ARHGEF28: variants seen among roughly 807,000 people sequenced by gnomAD.
The protein encoded by ARHGEF28 is 190 kDa guanine nucleotide exchange factor.
ARHGEF28 carries 152 observed loss-of-function variants against 206.6 expected under a neutral mutation model. The ratio of observed to expected loss-of-function variants is 0.74; its 90% CI spans 0.64 to 0.84. ARHGEF28 has a LOEUF of 0.84. Among genes scored for constraint, ARHGEF28 ranks in the 40% least tolerant of loss-of-function variants. ARHGEF28 has a pLI of 0.00. For synonymous variants in ARHGEF28, 763 were observed against 776.4 expected, an observed-to-expected ratio of 0.98 and a Z score of 0.29; for missense variants, 2,028 against 2,073.2, an observed-to-expected ratio of 0.98 and a Z score of 0.42.
intron 1 of ARHGEF28, among the ~76,000 whole-genome samples, chr5:73,647,596 A>G (rs1363160597): frequency 2.0e-5 from 3 of 152,268 alleles, no homozygotes; most frequent in East Asian, 1.9e-4. Flanking sequence ...TTAACCTACT[A>G]TATCTAAAAT....
rs1017863092 is a variant in ARHGEF28 at position 73,858,296 on chromosome 5, ATACATT to A, written c.2047+83_2047+88del. The A allele has an allele frequency of 2.0e-6, 3 of 1,483,968 alleles. No homozygotes were observed. In the African/African-American group the frequency reaches 4.2e-5, roughly 21 times the overall value. 91.9% of individuals were successfully genotyped at this position (1,483,968 alleles called of 1,614,324 possible). On this transcript the variant is annotated intron_variant, in intron 16 of 35. Transcript: ENST00000513042. Reference sequence around the variant, plus strand: ...ACCTTGGGAAGAGGCTCATTGCTCAATACATTTACATAAACCTTTTCAGTGCCACAC... The same window carrying A: ...ACCTTGGGAAGAGGCTCATTGCTCAATACATAAACCTTTTCAGTGCCACAC...
chr5:73,658,987 A>G (rs138151989), intron 1 of ARHGEF28, among the ~76,000 whole-genome samples: 24 of 150,118 alleles, frequency 1.6e-4, no homozygotes, highest in East Asian at 3.9e-4. Context: ...ACACACACAC[A>G]CACACACACA....
At chr5:73,857,984 A>G (rs1759155675) in intron 15 of ARHGEF28, 103 bp from the exon 16 acceptor site, 1 of 1,492,692 alleles carries the variant, frequency 6.7e-7, no homozygotes, top group Admixed American at 2.3e-5. Context: ...CTGATGGAAA[A>G]TGTAGAGACT....
chr5:73,797,644 A>G (rs1057072515), intron 9 of ARHGEF28, among the ~76,000 whole-genome samples: 1 of 152,126 alleles, frequency 6.6e-6, no homozygotes, highest in African/African-American at 2.4e-5. Context: ...TCGGCCTCCT[A>G]AAGTGCTGGG....
intron 1 of ARHGEF28, among the ~76,000 whole-genome samples, chr5:73,658,962 T>TATAC (rs1745405298): frequency 8.0e-6 from 1 of 124,848 alleles, no homozygotes; most frequent in East Asian, 2.3e-4. Flanking sequence ...TGCATGCAGG[T>TATAC]ACACACACAC....
At chr5:73,936,171 C>G (rs1256991975) in intron 35 of ARHGEF28, among the ~76,000 whole-genome samples, 2 of 152,208 alleles carry the variant, frequency 1.3e-5, no homozygotes, top group Non-Finnish European at 2.9e-5. Context: ...CAACGCTTTT[C>G]TACTTGTCAC....
chr5:73,627,772 A>T (rs577690848), intron 1 of ARHGEF28, among the ~76,000 whole-genome samples: 1 of 152,374 alleles, frequency 6.6e-6, no homozygotes, highest in South Asian at 2.1e-4. Flanking sequence ...CAGATCTTAT[A>T]GCTAATGGTT....
intron 1 of ARHGEF28, among the ~76,000 whole-genome samples, chr5:73,654,740 G>C (rs1745072569): frequency 6.6e-6 from 1 of 152,200 alleles, no homozygotes; most frequent in Non-Finnish European, 1.5e-5. Context: ...CTTTCATCCA[G>C]ATACAGATTC....
intron 6 of ARHGEF28, among the ~76,000 whole-genome samples, chr5:73,777,866 G>A (rs1753624238): frequency 6.6e-6 from 1 of 152,080 alleles, no homozygotes; most frequent in African/African-American, 2.4e-5. Flanking sequence ...GGATCATGAG[G>A]TCAGGAGATC....
At chr5:73,895,277 A>G (rs764893201) in intron 29 of ARHGEF28, among the ~76,000 whole-genome samples, 2 of 152,196 alleles carry the variant, frequency 1.3e-5, no homozygotes, top group African/African-American at 2.4e-5. Context: ...GGGCAAGGTC[A>G]TTGGAGATGA....
chr5:73,814,654 G>T (rs1218513299), intron 9 of ARHGEF28, among the ~76,000 whole-genome samples: 1 of 152,118 alleles, frequency 6.6e-6, no homozygotes, highest in Non-Finnish European at 1.5e-5. Context: ...GGTTGCCTCT[G>T]CAGTGCTGTC....
Position 73,935,056 on chromosome 5 carries a change from A to G in ARHGEF28, c.4949-5788A>G, listed in dbSNP as rs1379519214. ...AGAGAGGACTGATGTACTGTATCATATCTCCTGTTAATATAATCTCATCTT... is the reference window on the plus strand; with the variant it reads ...AGAGAGGACTGATGTACTGTATCATGTCTCCTGTTAATATAATCTCATCTT... On this transcript the variant is annotated intron_variant, in intron 35 of 35. Transcript: ENST00000513042. Among the ~76,000 whole-genome samples the G allele has an allele frequency of 2.0e-5, 3 of 152,174 alleles. No homozygotes were observed. In the East Asian group the frequency reaches 5.8e-4, roughly 29 times the overall value.
chr5:73,633,163 G>A (rs1743473368), intron 1 of ARHGEF28, among the ~76,000 whole-genome samples: 1 of 152,126 alleles, frequency 6.6e-6, no homozygotes, highest in Admixed American at 6.5e-5. Flanking sequence ...TGGAGCTCAG[G>A]CAGTAAAGTG....
chr5:73,648,720 T>A (rs1744600911), intron 1 of ARHGEF28, among the ~76,000 whole-genome samples: 1 of 152,128 alleles, frequency 6.6e-6, no homozygotes, highest in Non-Finnish European at 1.5e-5. Flanking sequence ...ACAGCCCTTC[T>A]CTCAAGAATG....
chr5:73,678,569 G>A (rs1387155367), intron 1 of ARHGEF28, among the ~76,000 whole-genome samples: 5 of 152,150 alleles, frequency 3.3e-5, no homozygotes, highest in Non-Finnish European at 5.9e-5. Flanking sequence ...TGGGTCCTTC[G>A]TGAAGCTGTG....
intron 2 of ARHGEF28, among the ~76,000 whole-genome samples, chr5:73,692,819 A>G (rs950144668): frequency 7.9e-5 from 12 of 152,164 alleles, no homozygotes; most frequent in Non-Finnish European, 1.5e-4. Flanking sequence ...GTCACCCAGC[A>G]GGGGCCTTCT....
intron 9 of ARHGEF28, among the ~76,000 whole-genome samples, chr5:73,817,280 C>T (rs954896342): frequency 2.6e-5 from 4 of 152,140 alleles, no homozygotes; most frequent in Admixed American, 6.5e-5. Flanking sequence ...CTACAATTGC[C>T]AAAGAAGGCA....
intron 1 of ARHGEF28, among the ~76,000 whole-genome samples, chr5:73,650,265 TTTTC>T (rs1426011006): frequency 1.4e-5 from 2 of 141,912 alleles, no homozygotes; most frequent in Non-Finnish European, 3.0e-5. Context: ...CTGAGAGATG[TTTTC>T]TTTCTTTCTT....
rs766618403 is a variant in ARHGEF28, at chr5:73,923,540, G to T, written c.4948+11965G>T. On this transcript the variant is annotated intron_variant, in intron 35 of 35. Coordinates refer to ENST00000513042, the MANE Select transcript of ARHGEF28 (RefSeq NM_001177693.2). ...ATTAAAATATTTTCTCTTTGTATTT[G>T]TCAGGTAAGAGATACAGATATATAG... Among the ~76,000 whole-genome samples the T allele has an allele frequency of 3.3e-5, 5 of 152,134 alleles. No homozygotes were observed. The South Asian group carries it at 1.0e-3, about 31-fold the overall frequency.
Sources: gnomAD v4.1 joint callset for allele counts (sites outside exome capture counted in the v4.1 genomes callset) on GRCh38, gnomAD v4.1.1 for gene constraint, MANE v1.5 for transcripts, NCBI Gene and HGNC (gene_info 2026-07-23, HGNC 2026-07-21) for gene names.